Variants in CD52 observed in about 807,000 individuals in gnomAD.
CD52 encodes CAMPATH-1 antigen.
CD52 carries 2 observed loss-of-function variants against 2.5 expected under a neutral mutation model. The observed-to-expected ratio is 0.79, with a 90% confidence interval of 0.32 to 2.48. The LOEUF (loss-of-function observed/expected upper bound fraction) is 2.48. CD52 is among the 30% of genes most tolerant of loss of function. The probability of loss-of-function intolerance (pLI) is 0.11; values close to 1 mark genes in which losing one functional copy is unlikely to be tolerated. For synonymous variants in CD52, 24 were observed against 27.7 expected, an observed-to-expected ratio of 0.87 and a Z score of 0.42; for missense variants, 62 against 75.8, an observed-to-expected ratio of 0.82 and a Z score of 0.68.
intron 1 of CD52, among the ~76,000 whole-genome samples, chr1:26,319,595 C>T: frequency 6.6e-6 from 1 of 151,834 alleles, no homozygotes; most frequent in East Asian, 1.9e-4. Flanking sequence ...AAGAGCGAAA[C>T]TCTATCTCAA....
chr1:26,319,315 C>T (rs11589222), intron 1 of CD52, among the ~76,000 whole-genome samples: 105,307 of 151,434 alleles, frequency 0.7, 37,069 homozygotes, highest in Non-Finnish European at 0.75. Context: ...ATTAGCCGGG[C>T]GTGGCGTGGT....
At position 26,319,478 on chromosome 1, in the gene CD52, AT is replaced by A. The variant is rs202179780; in HGVS notation, c.55-691del. 6.5e-4 allele frequency among the ~76,000 whole-genome samples: 96 copies of A among 147,314 alleles called. 3 individuals carry two copies. The highest frequency in any genetic ancestry group is 2.2e-3 in the African/African-American group (86 of 39,900). On this transcript the variant is annotated intron_variant, in intron 1 of 1. Transcript: ENST00000374213. ...ACTCTGTCTCGGAAAAAAAAAAAAAATTAGCTGGGCGTGATAGCGGCTGCCT... is the reference window on the plus strand; with the variant it reads ...ACTCTGTCTCGGAAAAAAAAAAAAAATAGCTGGGCGTGATAGCGGCTGCCT...
Position 26,319,520 on chromosome 1 carries a change from C to G in CD52, c.55-651C>G, listed in dbSNP as rs75179298. ...GCGGCTGCCTATAATCCCAGCTACT[C>G]GGGAGGTTGAGGGGTGGAGGTTGCA... On this transcript the variant is annotated intron_variant, in intron 1 of 1. Transcript: ENST00000374213. Among the ~76,000 whole-genome samples the G allele has an allele frequency of 1.3e-3, 199 of 150,646 alleles. 2 individuals are homozygous for G. The East Asian group carries it at 0.036, about 27-fold the overall frequency.
chr1:26,320,461 G>A lies in CD52; in HGVS notation c.*159G>A, dbSNP rs1188174812. 3.3e-6 allele frequency: 3 copies of A among 902,940 alleles called. No homozygotes were observed. Among genetic ancestry groups the A allele is most frequent in the East Asian group, 2.6e-5 (1 of 38,686 alleles). 55.9% of individuals were successfully genotyped at this position (902,940 alleles called of 1,614,324 possible). ...TGGGGGCAACAGCCAAAATAGGGGG[G>A]TAATGATGTAGGGGCCAAGCAGTGC... On this transcript the variant is annotated 3_prime_UTR_variant, in exon 2 of 2. Coordinates refer to ENST00000374213, the MANE Select transcript of CD52 (RefSeq NM_001803.3).
intron 1 of CD52, 82 bp downstream of exon 1, chr1:26,318,153 C>CAG: frequency 8.5e-7 from 1 of 1,172,334 alleles, no homozygotes; most frequent in Non-Finnish European, 1.3e-6. Flanking sequence ...TGTGAGCTCC[C>CAG]AGAGACCCAG....
At position 26,320,256 on chromosome 1, in the gene CD52, T is replaced by C; in HGVS notation, c.140T>C (p.Leu47Pro). ...ASSNISGGIFLFFVANAIIHL... is the reference protein window; with the variant it reads ...ASSNISGGIFPFFVANAIIHL... ...AGCAACATAAGCGGAGGCATTTTCC[T>C]TTTCTTCGTGGCCAATGCCATAATC... is the stretch of plus-strand genomic sequence containing the variant. The change falls in exon 2 of 2, where the codon CTT becomes CCT. Residue 47 changes from leucine (L) to proline (P), a missense_variant. Physicochemically the swap from Leu to Pro is moderately conservative, Grantham distance 98 (BLOSUM62 -3). Coordinates refer to ENST00000374213, the MANE Select transcript of CD52 (RefSeq NM_001803.3). 6.2e-7 allele frequency: 1 copy of C among 1,613,744 alleles called. No homozygotes were observed. Among genetic ancestry groups the C allele is most frequent in the Non-Finnish European group, 8.5e-7 (1 of 1,179,852 alleles).
intron 1 of CD52, chr1:26,318,305 G>A: frequency 1.9e-6 from 1 of 530,976 alleles, no homozygotes; most frequent in Non-Finnish European, 3.4e-6. Context: ...ATCCACAGCT[G>A]GGGAGCACTT....
At chr1:26,319,114 G>C (rs967348499) in intron 1 of CD52, 2 of 152,182 alleles carry the variant, frequency 1.3e-5, no homozygotes, top group African/African-American at 4.8e-5. Context: ...TTCAAGACCA[G>C]CCTGGCCAAC....
Position 26,320,308 on chromosome 1 carries a change from C to T in CD52, c.*6C>T, listed in dbSNP as rs765090032. The T allele has an allele frequency of 1.9e-6, 3 of 1,610,584 alleles. No individual in the cohort carries two copies. The highest frequency in any genetic ancestry group is 2.5e-6 in the Non-Finnish European group (3 of 1,178,802). On this transcript the variant is annotated 3_prime_UTR_variant, in exon 2 of 2. Transcript: ENST00000374213. ...ACCTCTTCTGCTTCAGTTGAGGTGA[C>T]ACGTCTCAGCCTTAGCCCTGTGCCC...
intron 1 of CD52, 90 bp downstream of exon 1, chr1:26,318,161 C>A: frequency 9.0e-7 from 1 of 1,107,902 alleles, no homozygotes; most frequent in Non-Finnish European, 1.4e-6. Flanking sequence ...CCCAGAGACC[C>A]AGCCTTCTCT....
At chr1:26,319,819 G>T (rs138398688) in intron 1 of CD52, among the ~76,000 whole-genome samples, 1 of 152,000 alleles carries the variant, frequency 6.6e-6, no homozygotes, top group Non-Finnish European at 1.5e-5. Flanking sequence ...TAACAAACAC[G>T]CTATTCAAAA....
intron 1 of CD52, among the ~76,000 whole-genome samples, chr1:26,319,436 G>A (rs932433484): frequency 6.7e-6 from 1 of 149,588 alleles, no homozygotes; most frequent in Non-Finnish European, 1.5e-5. Flanking sequence ...TCCAGCCTGG[G>A]CGGGCGACAG....
chr1:26,320,496 G>A lies in CD52; in HGVS notation c.*194G>A, dbSNP rs528078957. On this transcript the variant is annotated 3_prime_UTR_variant, in exon 2 of 2. Transcript: ENST00000374213. Reference sequence around the variant, plus strand: ...AGGGGCCAAGCAGTGCCCAGCTGGGGGTCAATAAAGTTACCCTTGTACTTG... The same window carrying A: ...AGGGGCCAAGCAGTGCCCAGCTGGGAGTCAATAAAGTTACCCTTGTACTTG... The A allele has an allele frequency of 2.4e-4, 154 of 629,346 alleles. No individual in the cohort carries two copies. In the African/African-American group the frequency reaches 2.7e-3, roughly 11 times the overall value. The allele number at this position is 629,346 out of a possible 1,614,324, so 39.0% of individuals were successfully genotyped here.
At chr1:26,318,295 A>C in intron 1 of CD52, 1 of 546,980 alleles carries the variant, frequency 1.8e-6, no homozygotes, top group South Asian at 2.3e-5. Context: ...AGAAACCTGT[A>C]TCCACAGCTG....
intron 1 of CD52, among the ~76,000 whole-genome samples, chr1:26,319,249 G>A (rs35282526): frequency 0.3 from 45,580 of 151,764 alleles, 7,223 homozygotes; most frequent in Non-Finnish European, 0.35. Flanking sequence ...TCAGGAGATC[G>A]AGACCATCCT....
Sources: gnomAD v4.1 joint callset for allele counts (sites outside exome capture counted in the v4.1 genomes callset) on GRCh38, gnomAD v4.1.1 for gene constraint, MANE v1.5 for transcripts, NCBI Gene and HGNC (gene_info 2026-07-23, HGNC 2026-07-21) for gene names.